THSD7B: variants seen among roughly 807,000 people sequenced by gnomAD.
THSD7B encodes thrombospondin type-1 domain-containing protein 7B.
THSD7B carries 138 observed loss-of-function variants against 213.6 expected under a neutral mutation model. The ratio of observed to expected loss-of-function variants is 0.65; its 90% confidence interval spans 0.56 to 0.74. THSD7B has a LOEUF of 0.74. THSD7B is among the 30% of genes least tolerant of loss of function. THSD7B has a pLI of 0.00. For missense variants in THSD7B, 1,931 were observed against 1,991.5 expected (o/e 0.97, Z 0.58); for synonymous variants, 742 against 687.0 (o/e 1.08, Z -1.25).
chr2:136,829,243 C>T (rs1191371875), intron 1 of THSD7B, among the ~76,000 whole-genome samples: 7 of 151,842 alleles, frequency 4.6e-5, no homozygotes, highest in Non-Finnish European at 1.0e-4. Flanking sequence ...TTTTGAACCA[C>T]GACTTGAAGA....
intron 15 of THSD7B, among the ~76,000 whole-genome samples, chr2:137,546,386 T>TTATATATATTATATATATTA (rs1558834218): frequency 2.1e-4 from 7 of 33,330 alleles, no homozygotes; most frequent in South Asian, 8.2e-4. Context: ...AATATATATA[T>TTATATATATTATATATATTA]TATATATATT....
At chr2:137,605,138 G>C (rs933216217) in intron 17 of THSD7B, among the ~76,000 whole-genome samples, 2 of 152,136 alleles carry the variant, frequency 1.3e-5, no homozygotes, top group African/African-American at 4.8e-5. Flanking sequence ...TCTCAATTTG[G>C]CTGCATGTCT....
intron 12 of THSD7B, among the ~76,000 whole-genome samples, chr2:137,386,121 A>G (rs1685888075): frequency 6.6e-6 from 1 of 152,160 alleles, no homozygotes; most frequent in African/African-American, 2.4e-5. Flanking sequence ...CACACCTTTC[A>G]TGGTGTTACA....
At chr2:136,835,148 G>C (rs1682823363) in intron 1 of THSD7B, among the ~76,000 whole-genome samples, 1 of 152,104 alleles carries the variant, frequency 6.6e-6, no homozygotes, top group Admixed American at 6.6e-5. Context: ...TCTATACAAA[G>C]CTTAATATTT....
intron 12 of THSD7B, among the ~76,000 whole-genome samples, chr2:137,362,262 C>G (rs187044395): frequency 5.9e-5 from 9 of 152,136 alleles, no homozygotes; most frequent in African/African-American, 2.2e-4. Context: ...ACAACCAGTA[C>G]CAGCCACTGC....
chr2:137,275,004 G>T (rs745683582), intron 11 of THSD7B, among the ~76,000 whole-genome samples: 1 of 151,912 alleles, frequency 6.6e-6, no homozygotes, highest in Non-Finnish European at 1.5e-5. Flanking sequence ...AGAGGTACTG[G>T]CTCATATGAA....
rs139970857 is a variant in THSD7B at position 137,499,354 on chromosome 2, A to G, written c.3138+48331A>G. On this transcript the variant is annotated intron_variant, in intron 15 of 27. Coordinates refer to ENST00000409968, the MANE Select transcript of THSD7B (RefSeq NM_001316349.2). ...CAGAATTTTGTGAAACTTTAAATAT[A>G]TCTTGGTACTTACAGAAAAAAAAAT... Among the ~76,000 whole-genome samples, 447 of 152,304 alleles carry G rather than the reference A, an allele frequency of 2.9e-3. 1 individual carries two copies. Among genetic ancestry groups the G allele is most frequent in the African/African-American group, 0.01 (431 of 41,558 alleles).
chr2:137,342,539 C>T (rs184008848), intron 12 of THSD7B, among the ~76,000 whole-genome samples: 194 of 151,700 alleles, frequency 1.3e-3, no homozygotes, highest in African/African-American at 4.5e-3. Flanking sequence ...CAAGGACTTC[C>T]AGTACTGTGT....
intron 15 of THSD7B, among the ~76,000 whole-genome samples, chr2:137,488,596 A>G (rs529439164): frequency 6.6e-6 from 1 of 152,262 alleles, no homozygotes; most frequent in African/African-American, 2.4e-5. Flanking sequence ...TGTTTTCACA[A>G]TTTTCTTCCC....
At chr2:137,559,092 A>G (rs1362880698) in intron 15 of THSD7B, among the ~76,000 whole-genome samples, 2 of 152,236 alleles carry the variant, frequency 1.3e-5, no homozygotes, top group Non-Finnish European at 2.9e-5. Context: ...AGAACATTCC[A>G]AGCTCATGGA....
intron 12 of THSD7B, among the ~76,000 whole-genome samples, chr2:137,348,117 G>A (rs766445938): frequency 6.6e-6 from 1 of 151,582 alleles, no homozygotes; most frequent in Non-Finnish European, 1.5e-5. Flanking sequence ...CCATCTTAAA[G>A]GCTCTAATGT....
intron 2 of THSD7B, among the ~76,000 whole-genome samples, chr2:136,918,880 TCTC>T (rs1250540687): frequency 2.6e-5 from 4 of 152,154 alleles, no homozygotes; most frequent in African/African-American, 7.2e-5. Flanking sequence ...ATCGTACCAT[TCTC>T]CTGACCTGGG....
intron 20 of THSD7B, among the ~76,000 whole-genome samples, chr2:137,622,993 C>T (rs913948547): frequency 1.3e-5 from 2 of 152,180 alleles, no homozygotes; most frequent in African/African-American, 2.4e-5. Flanking sequence ...CCAGCATCAT[C>T]CTGATACCAA....
rs573009715 is a variant in THSD7B at position 137,308,426 on chromosome 2, C to T, written c.2500+32400C>T. 2.3e-4 allele frequency among the ~76,000 whole-genome samples: 35 copies of T among 152,000 alleles called. 1 individual carries two copies. Among genetic ancestry groups the T allele is most frequent in the Middle Eastern group, 3.4e-3 (1 of 294 alleles). ...AGTCGTGTGGGGGCTTTATAAGTGA[C>T]GGAGTACCATGATATGTAACATATC... On this transcript the variant is annotated intron_variant, in intron 12 of 27. Transcript: ENST00000409968.
At chr2:137,145,326 A>G (rs1679672770) in intron 5 of THSD7B, among the ~76,000 whole-genome samples, 1 of 152,090 alleles carries the variant, frequency 6.6e-6, no homozygotes, top group Non-Finnish European at 1.5e-5. Flanking sequence ...TGTTCCCAGG[A>G]TAAGAATATT....
At chr2:136,782,504 A>G (rs1436673327) in intron 1 of THSD7B, among the ~76,000 whole-genome samples, 6 of 152,134 alleles carry the variant, frequency 3.9e-5, no homozygotes. Context: ...AGCTGGGTGC[A>G]GATTTTTGCT....
At chr2:137,191,495 G>A (rs1680658958) in intron 7 of THSD7B, among the ~76,000 whole-genome samples, 2 of 152,014 alleles carry the variant, frequency 1.3e-5, no homozygotes, top group Middle Eastern at 3.4e-3. Context: ...GGAAACTGGT[G>A]CTTGCCTGGT....
chr2:137,491,370 T>G (rs916602882), intron 15 of THSD7B, among the ~76,000 whole-genome samples: 3 of 152,222 alleles, frequency 2.0e-5, no homozygotes, highest in Admixed American at 6.5e-5. Flanking sequence ...GGCCAACGTT[T>G]TTGATGGTAC....
chr2:137,656,960 C>T lies in THSD7B; in HGVS notation c.4270C>T (p.Pro1424Ser). 1 of 1,613,812 alleles carries T rather than the reference C, an allele frequency of 6.2e-7. No homozygotes were observed. Among genetic ancestry groups the T allele is most frequent in the Middle Eastern group, 1.6e-4 (1 of 6,062 alleles). ...SCPQQVLETR[P>S]CTGGKCYHYT... is the part of the protein sequence containing the mutation. ...CCCCCAACAGGTTCTAGAAACACGC[C>T]CTTGTACAGGTACCAAGAGCACTTT... The change falls in exon 23 of 28, where the codon CCT (proline) becomes TCT (serine). Residue 1424 changes from proline (P) to serine (S), a missense_variant. By Grantham distance (74) the Pro-to-Ser change is moderately conservative. Transcript: ENST00000409968.
Sources: gnomAD v4.1 joint callset for allele counts (sites outside exome capture counted in the v4.1 genomes callset) on GRCh38, gnomAD v4.1.1 for gene constraint, MANE v1.5 for transcripts, NCBI Gene and HGNC (gene_info 2026-07-23, HGNC 2026-07-21) for gene names.